ZMYM4: variants seen among roughly 807,000 people sequenced by gnomAD.
ZMYM4 encodes the protein zinc finger MYM-type containing 4.
Under a neutral mutation model 183.2 loss-of-function variants are expected in ZMYM4, and 31 were observed. That is an observed-to-expected ratio of 0.17 (90% CI 0.13 to 0.23). ZMYM4 has a LOEUF of 0.23. Ranked by LOEUF, ZMYM4 falls within the 10% of genes least tolerant of loss-of-function variation. ZMYM4 has a pLI of 1.00. For synonymous variants in ZMYM4, 592 were observed against 631.2 expected (o/e 0.94, Z 0.93); for missense variants, 1,273 against 1,840.3 (o/e 0.69, Z 5.64).
At chr1:35,395,872 G>A (rs1644799896) in intron 18 of ZMYM4, among the ~76,000 whole-genome samples, 1 of 152,134 alleles carries the variant, frequency 6.6e-6, no homozygotes, top group Non-Finnish European at 1.5e-5. Context: ...TTGAACCATC[G>A]TTAAGTTGGG....
chr1:35,352,609 G>A (rs1643669764), intron 2 of ZMYM4, among the ~76,000 whole-genome samples: 1 of 152,182 alleles, frequency 6.6e-6, no homozygotes, highest in South Asian at 2.1e-4. Flanking sequence ...TCTCAAGTTA[G>A]AAGTTAAGTT....
At chr1:35,351,312 A>T in intron 2 of ZMYM4, 2 of 1,579,332 alleles carry the variant, frequency 1.3e-6, no homozygotes, top group Non-Finnish European at 1.7e-6. Context: ...CCGGAAGCAC[A>T]TCATGGGCCA....
rs375191206 is a variant in ZMYM4, at chr1:35,344,434, T to A, written c.86-14491T>A. Among the ~76,000 whole-genome samples the A allele has an allele frequency of 1.4e-4, 21 of 152,216 alleles. No homozygotes were observed. In the East Asian group the frequency reaches 4.0e-3, roughly 29 times the overall value. ...TGTTTTTTTCAACTTAGGGGGAAAG[T>A]ATTCAGTCTTAAACTGTTAAGTAGG... On this transcript the variant is annotated intron_variant, in intron 2 of 29. Transcript: ENST00000314607.
At chr1:35,354,223 A>T (rs1190165593) in intron 2 of ZMYM4, among the ~76,000 whole-genome samples, 1 of 152,228 alleles carries the variant, frequency 6.6e-6, no homozygotes, top group Non-Finnish European at 1.5e-5. Context: ...TCAAAGATTT[A>T]AAAATTTTTT....
chr1:35,399,663 C>G, intron 23 of ZMYM4, 87 bp downstream of exon 23: 1 of 1,371,210 alleles, frequency 7.3e-7, no homozygotes, highest in Non-Finnish European at 1.0e-6. Context: ...AACTCTGTAA[C>G]AGCCAGAGTC....
intron 1 of ZMYM4, among the ~76,000 whole-genome samples, chr1:35,269,888 C>T (rs1171641979): frequency 6.6e-6 from 1 of 152,134 alleles, no homozygotes; most frequent in Non-Finnish European, 1.5e-5. Flanking sequence ...AGCAATATCC[C>T]TCACTTTTCT....
At chr1:35,306,910 G>A (rs1202489351) in intron 1 of ZMYM4, among the ~76,000 whole-genome samples, 1 of 152,134 alleles carries the variant, frequency 6.6e-6, no homozygotes, top group Non-Finnish European at 1.5e-5. Context: ...ATCTAACTAT[G>A]TAATTGTTTG....
intron 1 of ZMYM4, among the ~76,000 whole-genome samples, chr1:35,321,516 A>G (rs755645042): frequency 1.1e-4 from 16 of 151,962 alleles, no homozygotes; most frequent in Non-Finnish European, 2.4e-4. Flanking sequence ...CTGTAGAGGA[A>G]ATTAGGGCTA....
rs1001409225 is a variant in ZMYM4 at position 35,419,373 on chromosome 1, G to A, written c.4440-97G>A. 1.1e-5 allele frequency: 15 copies of A among 1,336,244 alleles called. No homozygotes were observed. The African/African-American group carries it at 1.8e-4, about 16-fold the overall frequency. 82.8% of individuals were successfully genotyped at this position (1,336,244 alleles called of 1,614,324 possible). A position where few individuals can be genotyped will look rare whatever the true frequency, so the allele number is the denominator to read the frequency against. On this transcript the variant is annotated intron_variant, in intron 29 of 29. Transcript: ENST00000314607. Reference sequence around the variant, plus strand: ...GCCCTTACTTTTAATTACTTTTAATGGCAAAAACCTCAGTTTACTTAAGAA... The same window carrying A: ...GCCCTTACTTTTAATTACTTTTAATAGCAAAAACCTCAGTTTACTTAAGAA...
chr1:35,411,476 G>A (rs1639895665), intron 26 of ZMYM4, among the ~76,000 whole-genome samples: 2 of 152,034 alleles, frequency 1.3e-5, no homozygotes, highest in African/African-American at 4.8e-5. Flanking sequence ...TTCTATAGAT[G>A]GCTATTTTTA....
intron 9 of ZMYM4, 83 bp from the exon 10 acceptor site, chr1:35,385,359 A>G (rs1203690107): frequency 1.5e-6 from 2 of 1,372,724 alleles, no homozygotes; most frequent in Non-Finnish European, 2.0e-6. Context: ...AATATTTCAA[A>G]AGTGTTGAGT....
intron 2 of ZMYM4, among the ~76,000 whole-genome samples, chr1:35,358,536 T>C (rs1386464006): frequency 1.3e-5 from 2 of 152,144 alleles, no homozygotes; most frequent in Non-Finnish European, 2.9e-5. Context: ...TCACTAATCC[T>C]CACCACAAAT....
chr1:35,380,145 C>T (rs1188891956), intron 7 of ZMYM4, among the ~76,000 whole-genome samples: 3 of 152,080 alleles, frequency 2.0e-5, no homozygotes, highest in Non-Finnish European at 2.9e-5. Context: ...ACAAGGTATG[C>T]CTATAATCTT....
At position 35,319,887 on chromosome 1, in the gene ZMYM4, A is replaced by G. The variant is rs571331096; in HGVS notation, c.40-5473A>G. Among the ~76,000 whole-genome samples the G allele has an allele frequency of 3.9e-5, 6 of 152,322 alleles. No homozygotes were observed. The East Asian group carries it at 1.2e-3, about 29-fold the overall frequency. ...TTTTGGAAAATTTAAAGTACACTCT[A>G]TGGTTAAGTTTTTTAAATAAACAAG... On this transcript the variant is annotated intron_variant, in intron 1 of 29. Transcript: ENST00000314607.
intron 1 of ZMYM4, among the ~76,000 whole-genome samples, chr1:35,288,237 C>T (rs771261992): frequency 5.3e-5 from 8 of 152,264 alleles, no homozygotes; most frequent in Non-Finnish European, 8.8e-5. Context: ...CTCTTCTTTT[C>T]GCACTCCCTT....
At chr1:35,330,555 C>T (rs1642693820) in intron 2 of ZMYM4, among the ~76,000 whole-genome samples, 1 of 152,156 alleles carries the variant, frequency 6.6e-6, no homozygotes, top group Non-Finnish European at 1.5e-5. Context: ...GGCCATCCTA[C>T]CTTCAAAGAA....
chr1:35,351,338 C>G, intron 2 of ZMYM4: 1 of 1,563,082 alleles, frequency 6.4e-7, no homozygotes, highest in Non-Finnish European at 8.8e-7. Context: ...TTGCAGATTA[C>G]ATGCACTACT....
chr1:35,400,541 T>C (rs1156637427), intron 23 of ZMYM4, among the ~76,000 whole-genome samples: 2 of 152,198 alleles, frequency 1.3e-5, no homozygotes, highest in Admixed American at 1.3e-4. Flanking sequence ...AATAGTGAAG[T>C]TCACATGGCT....
intron 2 of ZMYM4, among the ~76,000 whole-genome samples, chr1:35,345,456 CT>C (rs879777950): frequency 0.016 from 2,317 of 145,060 alleles, 46 homozygotes; most frequent in African/African-American, 0.049. Context: ...CCCCGTATTA[CT>C]TTTTTTTTTT....
Sources: gnomAD v4.1 joint callset for allele counts (sites outside exome capture counted in the v4.1 genomes callset) on GRCh38, gnomAD v4.1.1 for gene constraint, MANE v1.5 for transcripts, NCBI Gene and HGNC (gene_info 2026-07-23, HGNC 2026-07-21) for gene names.